PLEKHA7: variants seen among roughly 807,000 people sequenced by gnomAD.
PLEKHA7 encodes the protein pleckstrin homology domain-containing family A member 7.
A neutral mutation model predicts 170.0 loss-of-function variants in PLEKHA7; 104 were observed. That is an observed-to-expected ratio of 0.61 (90% CI 0.52 to 0.72). The LOEUF is 0.72. Among genes scored for constraint, PLEKHA7 ranks in the 30% least tolerant of loss-of-function variants. PLEKHA7 has a pLI of 0.00. For missense variants in PLEKHA7, 1,615 were observed against 1,671.7 expected, an observed-to-expected ratio of 0.97 and a Z score of 0.59; for synonymous variants, 648 against 660.8, an observed-to-expected ratio of 0.98 and a Z score of 0.30.
chr11:16,853,911 T>C (rs903329993), intron 6 of PLEKHA7, among the ~76,000 whole-genome samples: 2 of 152,196 alleles, frequency 1.3e-5, no homozygotes, highest in African/African-American at 2.4e-5. Context: ...AATGCCCTCC[T>C]CTGTCTTCCC....
At chr11:16,834,887 T>A (rs1000199905) in intron 9 of PLEKHA7, among the ~76,000 whole-genome samples, 2 of 152,134 alleles carry the variant, frequency 1.3e-5, no homozygotes, top group African/African-American at 4.8e-5. Flanking sequence ...AGGGTATCCC[T>A]CACAGCACGT....
At chr11:17,009,974 G>A (rs1214095262) in intron 3 of PLEKHA7, among the ~76,000 whole-genome samples, 3 of 152,050 alleles carry the variant, frequency 2.0e-5, no homozygotes, top group Non-Finnish European at 1.5e-5. Context: ...GTCTAGAACT[G>A]GGAGAACCAA....
chr11:16,975,378 G>C (rs894627374), intron 3 of PLEKHA7, among the ~76,000 whole-genome samples: 7 of 152,098 alleles, frequency 4.6e-5, no homozygotes, highest in African/African-American at 1.7e-4. Context: ...ATCGATTACT[G>C]GCTAAGTAAA....
rs533703040 is a variant in PLEKHA7, at chr11:16,817,212, G to A, written c.1454C>T (p.Ser485Leu). 4.2e-5 allele frequency: 68 copies of A among 1,614,066 alleles called. No individual in the cohort carries two copies. Among genetic ancestry groups the A allele is most frequent in the Admixed American group, 8.3e-5 (5 of 60,020 alleles). Residue 485 changes from serine (S) to leucine (L), a missense_variant, in exon 11 of 27, where the codon TCG becomes TTG. Ser to Leu is a moderately radical substitution (Grantham distance 145, BLOSUM62 -2). Transcript: ENST00000531066. The surrounding 1 kb of genome is among the most constrained non-coding windows in gnomAD (Gnocchi z 4.4). ...ACTTGGCAGGTTTCGGGGAGGTGGC[G>A]AGGAGCCCCCCGAGGGGTGTCGGGT... The part of the protein sequence containing the change: ...KSTRHPSGGS[S>L]PPPRNLPSDY...
chr11:17,010,389 T>TAA (rs756960574), intron 3 of PLEKHA7, among the ~76,000 whole-genome samples: 1 of 88,538 alleles, frequency 1.1e-5, no homozygotes. Context: ...AAGCTGTCTT[T>TAA]AAAAAAAAAA....
At chr11:16,877,595 A>T (rs911596350) in intron 3 of PLEKHA7, among the ~76,000 whole-genome samples, 1 of 152,202 alleles carries the variant, frequency 6.6e-6, no homozygotes, top group African/African-American at 2.4e-5. Flanking sequence ...CACTATTTTG[A>T]CAATATCAAG....
In PLEKHA7 at chr11:17,011,081, C is replaced by T. The variant is rs373317010; in HGVS notation, c.221+2908G>A. 9.2e-5 allele frequency among the ~76,000 whole-genome samples: 14 copies of T among 152,324 alleles called. No individual in the cohort carries two copies. In the South Asian group the frequency reaches 2.1e-3, roughly 23 times the overall value. On this transcript the variant is annotated intron_variant, in intron 3 of 26. Coordinates refer to ENST00000531066, the MANE Select transcript of PLEKHA7 (RefSeq NM_001329630.2). ...TGTAGGAAAATCATTAGGGACCTCACAGACAAGTTACCATGGAAGAGTCAG... is the reference window on the plus strand; with the variant it reads ...TGTAGGAAAATCATTAGGGACCTCATAGACAAGTTACCATGGAAGAGTCAG...
intron 3 of PLEKHA7, among the ~76,000 whole-genome samples, chr11:16,955,993 C>T (rs1861677160): frequency 6.6e-6 from 1 of 151,926 alleles, no homozygotes; most frequent in Non-Finnish European, 1.5e-5. Flanking sequence ...ACAGCAAGAC[C>T]CAGTCACCAA....
intron 24 of PLEKHA7, 58 bp downstream of exon 24, chr11:16,786,171 G>T (rs1849378244): frequency 1.2e-5 from 19 of 1,523,050 alleles, no homozygotes; most frequent in Admixed American, 9.9e-5. Context: ...AGGTGGATCA[G>T]GCTGGGAACT....
chr11:16,778,889 C>T lies in PLEKHA7; in HGVS notation c.*109G>A, dbSNP rs538871696. The T allele has an allele frequency of 3.4e-5, 24 of 698,666 alleles. No individual in the cohort carries two copies. The highest frequency in any genetic ancestry group is 1.1e-4 in the East Asian group (4 of 37,198). The allele number at this position is 698,666 out of a possible 1,614,324, so 43.3% of individuals were successfully genotyped here. A position where few individuals can be genotyped will look rare whatever the true frequency, so the allele number is the denominator to read the frequency against. On this transcript the variant is annotated 3_prime_UTR_variant, in exon 27 of 27. Transcript: ENST00000531066. Reference sequence around the variant, plus strand: ...TCGGTAAGCTGCTCCTTCCTCCGGCCGGATTCCCTGCTCAGCTGGAAGGGG... The same window carrying T: ...TCGGTAAGCTGCTCCTTCCTCCGGCTGGATTCCCTGCTCAGCTGGAAGGGG...
Position 16,892,432 on chromosome 11 carries a change from G to GTTTTGTTTTGTTTTGTTTTGTTTTGTTT in PLEKHA7, c.222-21251_222-21250insAAACAAAACAAAACAAAACAAAACAAAA, listed in dbSNP as rs763934828. On this transcript the variant is annotated intron_variant, in intron 3 of 26. Coordinates refer to ENST00000531066, the MANE Select transcript of PLEKHA7 (RefSeq NM_001329630.2). ...TGTGTGTGTGTGTGTGTGTGTGTGT[G>GTTTTGTTTTGTTTTGTTTTGTTTTGTTT]TGTTTTGTTTTGTTTTGTTTTGTTT... 3.9e-3 allele frequency among the ~76,000 whole-genome samples: 443 copies of GTTTTGTTTTGTTTTGTTTTGTTTTGTTT among 115,006 alleles called. 5 individuals carry two copies. Among genetic ancestry groups the GTTTTGTTTTGTTTTGTTTTGTTTTGTTT allele is most frequent in the Middle Eastern group, 8.7e-3 (2 of 230 alleles). 75.4% of individuals were successfully genotyped at this position (115,006 alleles called of 152,430 possible).
intron 3 of PLEKHA7, among the ~76,000 whole-genome samples, chr11:16,918,889 C>G (rs576553264): frequency 6.6e-6 from 1 of 152,004 alleles, no homozygotes; most frequent in African/African-American, 2.4e-5. Context: ...ACATTACATA[C>G]TCACATAAAA....
At chr11:16,784,050 T>C (rs1849239857) in intron 24 of PLEKHA7, among the ~76,000 whole-genome samples, 2 of 152,104 alleles carry the variant, frequency 1.3e-5, no homozygotes, top group South Asian at 4.1e-4. Flanking sequence ...CCAGCCAACC[T>C]CCTACAGGCT....
At chr11:16,818,673 G>A (rs1319697767) in intron 10 of PLEKHA7, among the ~76,000 whole-genome samples, 1 of 152,130 alleles carries the variant, frequency 6.6e-6, no homozygotes, top group Non-Finnish European at 1.5e-5. Flanking sequence ...TTCACACCGT[G>A]GTATTGTCCA....
chr11:16,910,024 G>A (rs988863774), intron 3 of PLEKHA7, among the ~76,000 whole-genome samples: 1 of 152,088 alleles, frequency 6.6e-6, no homozygotes, highest in Admixed American at 6.6e-5. Flanking sequence ...GAGAGGGGAA[G>A]ATTAACTTTA....
intron 12 of PLEKHA7, chr11:16,813,367 G>A (rs1489521767): frequency 1.1e-5 from 5 of 462,978 alleles, no homozygotes; most frequent in East Asian, 1.1e-4. Context: ...GATCTTGCAG[G>A]TCACTGTGGG....
At chr11:16,837,855 T>C (rs445146) in intron 9 of PLEKHA7, among the ~76,000 whole-genome samples, 14,532 of 151,930 alleles carry the variant, frequency 0.096, 815 homozygotes, top group East Asian at 0.16. Context: ...AAGTCCACGA[T>C]GGGGAGGAAG....
At chr11:17,003,955 G>C (rs184322966) in intron 3 of PLEKHA7, among the ~76,000 whole-genome samples, 1 of 152,288 alleles carries the variant, frequency 6.6e-6, no homozygotes, top group Admixed American at 6.5e-5. Context: ...CCTGTTTGGA[G>C]ATGTAGGGCC....
intron 10 of PLEKHA7, among the ~76,000 whole-genome samples, chr11:16,819,745 G>A (rs531714434): frequency 6.6e-6 from 1 of 152,252 alleles, no homozygotes; most frequent in East Asian, 1.9e-4. Flanking sequence ...GATCTAAAAA[G>A]GTCAAACTCA....
Sources: gnomAD v4.1 joint callset for allele counts (sites outside exome capture counted in the v4.1 genomes callset) on GRCh38, gnomAD v4.1.1 for gene constraint, Gnocchi (gnomAD v3.1) non-coding constraint, MANE v1.5 for transcripts, NCBI Gene and HGNC (gene_info 2026-07-23, HGNC 2026-07-21) for gene names.